PPP6R3: variants seen among roughly 807,000 people sequenced by gnomAD.
PPP6R3 encodes the protein serine/threonine-protein phosphatase 6 regulatory subunit 3.
PPP6R3 carries 38 observed loss-of-function variants against 110.7 expected under a neutral mutation model. That is an observed-to-expected ratio of 0.34 (90% CI 0.26 to 0.45). The LOEUF is 0.45. Ranked by LOEUF, PPP6R3 falls within the 20% of genes least tolerant of loss-of-function variation. PPP6R3 has a pLI of 1.00. For synonymous variants in PPP6R3, 369 were observed against 373.5 expected (o/e 0.99, Z 0.14); for missense variants, 870 against 1,062.4 (o/e 0.82, Z 2.52).
chr11:68,501,603 A>C (rs2099049260), intron 1 of PPP6R3, among the ~76,000 whole-genome samples: 1 of 152,270 alleles, frequency 6.6e-6, no homozygotes, highest in Admixed American at 6.5e-5. Context: ...CTGGGATTAC[A>C]GGCGTGAGCC....
intron 8 of PPP6R3, among the ~76,000 whole-genome samples, chr11:68,562,053 G>GA (rs35619596): frequency 0.61 from 90,043 of 147,328 alleles, 28,299 homozygotes; most frequent in South Asian, 0.79. Context: ...GAACATTAAA[G>GA]AAAAAAAAAA....
At position 68,571,028 on chromosome 11, in the gene PPP6R3, T is replaced by C; in HGVS notation, c.1279-12T>C. On this transcript the variant is annotated splice_polypyrimidine_tract_variant and intron_variant, in intron 11 of 23. Transcript: ENST00000393800. ...GAAGTATTAACTGGAATATTCTTTT[T>C]TTTTTTTTCAGCTTTTCCAAAAATG... The C allele has an allele frequency of 6.3e-7, 1 of 1,592,246 alleles. No homozygotes were observed. The highest frequency in any genetic ancestry group is 2.2e-5 in the East Asian group (1 of 44,664).
intron 1 of PPP6R3, among the ~76,000 whole-genome samples, chr11:68,485,043 A>C (rs1056678725): frequency 3.3e-5 from 5 of 152,118 alleles, no homozygotes; most frequent in Non-Finnish European, 5.9e-5. Flanking sequence ...TCATTTGTTT[A>C]GTTCTTCTTT....
chr11:68,545,751 C>G (rs1204226943), intron 4 of PPP6R3, among the ~76,000 whole-genome samples: 1 of 152,188 alleles, frequency 6.6e-6, no homozygotes, highest in African/African-American at 2.4e-5. Flanking sequence ...CCAGCTAACT[C>G]TGATGCATGC....
intron 16 of PPP6R3, among the ~76,000 whole-genome samples, chr11:68,588,607 G>A (rs1274715185): frequency 6.6e-6 from 1 of 151,464 alleles, no homozygotes; most frequent in South Asian, 2.1e-4. Flanking sequence ...ACAGGTACCC[G>A]CCACCGCACC....
chr11:68,565,350 A>T (rs1391023223), intron 9 of PPP6R3, among the ~76,000 whole-genome samples: 1 of 150,258 alleles, frequency 6.7e-6, no homozygotes, highest in Middle Eastern at 3.2e-3. Flanking sequence ...AGTTTGCGTT[A>T]CTCTGCTGGT....
intron 1 of PPP6R3, among the ~76,000 whole-genome samples, chr11:68,477,739 A>ATATATATATATATATATAT (rs768026020): frequency 5.0e-5 from 4 of 80,396 alleles, no homozygotes; most frequent in African/African-American, 1.6e-4. Flanking sequence ...AAAAAAAAAA[A>ATATATATATATATATATAT]AAATATATAT....
chr11:68,561,950 T>C (rs988460241), intron 8 of PPP6R3, among the ~76,000 whole-genome samples: 4 of 151,984 alleles, frequency 2.6e-5, no homozygotes, highest in Admixed American at 6.6e-5. Flanking sequence ...TTTGTAGCGA[T>C]GGAGTCTGTG....
At chr11:68,604,358 A>G (rs1246419075) in intron 22 of PPP6R3, among the ~76,000 whole-genome samples, 1 of 152,266 alleles carries the variant, frequency 6.6e-6, no homozygotes, top group Non-Finnish European at 1.5e-5. Context: ...TTTGATTACA[A>G]ATTAAAGCTG....
At chr11:68,577,913 A>T (rs1037100345) in intron 14 of PPP6R3, among the ~76,000 whole-genome samples, 1 of 152,220 alleles carries the variant, frequency 6.6e-6, no homozygotes, top group African/African-American at 2.4e-5. Flanking sequence ...AAGTGGTTAG[A>T]TTGATAGGGC....
At chr11:68,483,130 T>C (rs2098926071) in intron 1 of PPP6R3, among the ~76,000 whole-genome samples, 1 of 152,224 alleles carries the variant, frequency 6.6e-6, no homozygotes, top group Admixed American at 6.5e-5. Context: ...AGCTGAGTTA[T>C]TTTGCTTTTT....
intron 22 of PPP6R3, among the ~76,000 whole-genome samples, chr11:68,604,294 T>C (rs1422437508): frequency 1.3e-5 from 2 of 152,200 alleles, no homozygotes; most frequent in Non-Finnish European, 2.9e-5. Context: ...TAAACACCAG[T>C]GTGTACATGG....
intron 1 of PPP6R3, among the ~76,000 whole-genome samples, chr11:68,461,756 G>A (rs2098709559): frequency 6.6e-6 from 1 of 152,088 alleles, no homozygotes; most frequent in Non-Finnish European, 1.5e-5. Context: ...ATGGGAGGGG[G>A]TGCTTGACAG....
In PPP6R3 at chr11:68,602,490, A is replaced by G. The variant is rs184237717; in HGVS notation, c.2299+521A>G. Among the ~76,000 whole-genome samples the G allele has an allele frequency of 3.9e-5, 6 of 152,200 alleles. No homozygotes were observed. In the East Asian group the frequency reaches 1.2e-3, roughly 29 times the overall value. On this transcript the variant is annotated intron_variant, in intron 21 of 23. Coordinates refer to ENST00000393800, the MANE Select transcript of PPP6R3 (RefSeq NM_001164161.2). ...CCCTGAACTGTTTTCACCTTGATGG[A>G]CGGGGCTTTGGGAGGAGGGGGATGC...
At chr11:68,545,158 A>G in intron 4 of PPP6R3, 134 bp downstream of exon 4, 1 of 569,360 alleles carries the variant, frequency 1.8e-6, no homozygotes, top group Non-Finnish European at 2.9e-6. Context: ...TTTAAACCTT[A>G]AACATTCTAA....
chr11:68,530,262 A>G (rs572248375), intron 2 of PPP6R3, among the ~76,000 whole-genome samples: 2 of 152,216 alleles, frequency 1.3e-5, no homozygotes, highest in Middle Eastern at 6.8e-3. Context: ...GAGAGAAGGG[A>G]GTGCTGAAGG....
At chr11:68,462,003 G>A (rs1185990315) in intron 1 of PPP6R3, among the ~76,000 whole-genome samples, 1 of 152,124 alleles carries the variant, frequency 6.6e-6, no homozygotes, top group African/African-American at 2.4e-5. Context: ...TTAGCTCTGT[G>A]ACCTTGGGCA....
At chr11:68,513,878 C>T (rs543560908) in intron 1 of PPP6R3, among the ~76,000 whole-genome samples, 2 of 152,216 alleles carry the variant, frequency 1.3e-5, no homozygotes, top group East Asian at 1.9e-4. Context: ...AAGAGATGTC[C>T]TTTTTTGTAT....
intron 1 of PPP6R3, among the ~76,000 whole-genome samples, chr11:68,479,211 G>A (rs770168917): frequency 3.9e-5 from 6 of 152,116 alleles, no homozygotes; most frequent in Non-Finnish European, 5.9e-5. Context: ...TGCGTGGAGG[G>A]TAACTAAGCA....
Sources: allele counts gnomAD v4.1 joint callset (sites outside exome capture counted in the v4.1 genomes callset), GRCh38; gene constraint gnomAD v4.1.1; transcripts MANE v1.5; gene names NCBI Gene and HGNC (gene_info 2026-07-23, HGNC 2026-07-21).